SGCZ: variants seen among roughly 807,000 people sequenced by gnomAD.
SGCZ encodes the protein sarcoglycan zeta.
SGCZ carries 40 observed loss-of-function variants against 41.3 expected under a neutral mutation model. The observed-to-expected ratio is 0.97, with a 90% confidence interval of 0.75 to 1.26. SGCZ has a LOEUF of 1.26. SGCZ is among the 50% of genes most tolerant of loss of function. The pLI, the probability that SGCZ is intolerant of heterozygous loss-of-function variation, is 0.00. For synonymous variants in SGCZ, 206 were observed against 137.5 expected, an observed-to-expected ratio of 1.50 and a Z score of -3.49; for missense variants, 552 against 369.8, an observed-to-expected ratio of 1.49 and a Z score of -4.04.
intron 1 of SGCZ, among the ~76,000 whole-genome samples, chr8:14,649,540 T>C (rs879556800): frequency 1.3e-5 from 2 of 151,460 alleles, no homozygotes; most frequent in African/African-American, 2.4e-5. Context: ...GTATCTGAGA[T>C]AGTGTTTTTG....
At chr8:14,153,313 A>G (rs1325922720) in intron 5 of SGCZ, among the ~76,000 whole-genome samples, 2 of 152,182 alleles carry the variant, frequency 1.3e-5, no homozygotes, top group Non-Finnish European at 2.9e-5. Flanking sequence ...TCTGAACACG[A>G]ACCTCGGTCT....
chr8:14,118,201 CA>C (rs1442583926), intron 5 of SGCZ, among the ~76,000 whole-genome samples: 5 of 152,134 alleles, frequency 3.3e-5, no homozygotes, highest in Non-Finnish European at 5.9e-5. Context: ...CTCCTACCAA[CA>C]GTGTAAAAGT....
intron 2 of SGCZ, among the ~76,000 whole-genome samples, chr8:14,531,475 G>A (rs1386977886): frequency 1.3e-5 from 2 of 151,822 alleles, no homozygotes; most frequent in Non-Finnish European, 2.9e-5. Context: ...AGAAACCACT[G>A]GGCACCACTC....
chr8:14,927,106 T>G (rs1278277379), intron 1 of SGCZ, among the ~76,000 whole-genome samples: 1 of 136,548 alleles, frequency 7.3e-6, no homozygotes, highest in African/African-American at 2.7e-5. Context: ...CTGATTCTTT[T>G]TTTTTTTTTT....
At chr8:15,052,028 G>C (rs972062353) in intron 1 of SGCZ, among the ~76,000 whole-genome samples, 1 of 152,128 alleles carries the variant, frequency 6.6e-6, no homozygotes, top group East Asian at 1.9e-4. Flanking sequence ...TCAAAGCTTG[G>C]ATGGTGAAGG....
At chr8:14,371,753 T>C (rs1487750902) in intron 2 of SGCZ, among the ~76,000 whole-genome samples, 2 of 152,246 alleles carry the variant, frequency 1.3e-5, no homozygotes, top group Middle Eastern at 3.4e-3. Flanking sequence ...AAATTCATAA[T>C]AGTGACAGGT....
At chr8:15,138,885 G>C (rs902090851) in intron 1 of SGCZ, among the ~76,000 whole-genome samples, 6 of 152,088 alleles carry the variant, frequency 3.9e-5, no homozygotes, top group African/African-American at 1.4e-4. Context: ...ATAAAGGATG[G>C]AGTTCAAAAG....
At chr8:14,840,951 C>T (rs1232364526) in intron 1 of SGCZ, among the ~76,000 whole-genome samples, 1 of 151,980 alleles carries the variant, frequency 6.6e-6, no homozygotes, top group African/African-American at 2.4e-5. Flanking sequence ...TCAAAGATGT[C>T]ATCTTAAACT....
intron 1 of SGCZ, among the ~76,000 whole-genome samples, chr8:14,948,471 T>TGAGAGA (rs143082015): frequency 3.4e-5 from 5 of 147,806 alleles, no homozygotes; most frequent in Admixed American, 1.3e-4. Flanking sequence ...TCTTATCTTA[T>TGAGAGA]GAGAGAGAGA....
At chr8:14,225,680 T>C (rs1260866704) in intron 4 of SGCZ, among the ~76,000 whole-genome samples, 2 of 152,076 alleles carry the variant, frequency 1.3e-5, no homozygotes, top group Non-Finnish European at 2.9e-5. Context: ...GTATGTATAA[T>C]GAGCACATAA....
At chr8:14,380,154 A>G (rs1364013243) in intron 2 of SGCZ, among the ~76,000 whole-genome samples, 2 of 152,170 alleles carry the variant, frequency 1.3e-5, no homozygotes, top group African/African-American at 2.4e-5. Flanking sequence ...ATTTTCCCCA[A>G]TTGATATATG....
chr8:14,524,332 T>A (rs937977619), intron 2 of SGCZ, among the ~76,000 whole-genome samples: 1 of 151,896 alleles, frequency 6.6e-6, no homozygotes, highest in African/African-American at 2.4e-5. Context: ...CGAGGCAAAG[T>A]TCTCACTGCT....
At chr8:15,030,214 A>C (rs778704546) in intron 1 of SGCZ, among the ~76,000 whole-genome samples, 1 of 152,178 alleles carries the variant, frequency 6.6e-6, no homozygotes, top group Non-Finnish European at 1.5e-5. Context: ...GGGGTTATCT[A>C]AAATGGGTTG....
At chr8:14,361,249 G>C (rs549264935) in intron 2 of SGCZ, among the ~76,000 whole-genome samples, 1 of 152,246 alleles carries the variant, frequency 6.6e-6, no homozygotes, top group Admixed American at 6.5e-5. Context: ...GGTTGGTAAA[G>C]TTCTCCTGGA....
At chr8:14,835,663 T>C (rs1418440134) in intron 1 of SGCZ, among the ~76,000 whole-genome samples, 1 of 152,212 alleles carries the variant, frequency 6.6e-6, no homozygotes, top group East Asian at 1.9e-4. Flanking sequence ...CCATTTATCA[T>C]TACTTATGTT....
At chr8:14,602,773 C>A (rs1298017179) in intron 1 of SGCZ, among the ~76,000 whole-genome samples, 1 of 152,060 alleles carries the variant, frequency 6.6e-6, no homozygotes, top group Non-Finnish European at 1.5e-5. Context: ...GGAATTTAAG[C>A]ATTTGAGAGT....
intron 2 of SGCZ, among the ~76,000 whole-genome samples, chr8:14,523,301 T>A (rs926748540): frequency 6.6e-6 from 1 of 152,040 alleles, no homozygotes; most frequent in Admixed American, 6.6e-5. Context: ...TTTATTATTT[T>A]ATTTCTACTT....
At chr8:14,886,757 A>T (rs980902138) in intron 1 of SGCZ, among the ~76,000 whole-genome samples, 1 of 152,160 alleles carries the variant, frequency 6.6e-6, no homozygotes, top group African/African-American at 2.4e-5. Flanking sequence ...AAATCACTTT[A>T]AGGTTTTAAA....
At chr8:14,243,232 T>C (rs1023969614) in intron 3 of SGCZ, among the ~76,000 whole-genome samples, 2 of 152,216 alleles carry the variant, frequency 1.3e-5, no homozygotes, top group Non-Finnish European at 2.9e-5. Flanking sequence ...CCGAAGTTTG[T>C]ATAGTTTACA....
Sources: allele counts gnomAD v4.1 joint callset (sites outside exome capture counted in the v4.1 genomes callset), GRCh38; gene constraint gnomAD v4.1.1; transcripts MANE v1.5; gene names NCBI Gene and HGNC (gene_info 2026-07-23, HGNC 2026-07-21).